Variants in CTNNA3 observed in about 807,000 individuals in gnomAD.
CTNNA3 encodes catenin alpha 3, also known as catenin alpha-3.
CTNNA3 carries 76 observed loss-of-function variants against 95.7 expected under a neutral mutation model. The ratio of observed to expected loss-of-function variants is 0.79; its 90% CI spans 0.66 to 0.96. The LOEUF is 0.96. Among genes scored for constraint, CTNNA3 ranks in the 40% least tolerant of loss-of-function variants. The pLI is 0.00. For synonymous variants in CTNNA3, 431 were observed against 374.4 expected (o/e 1.15, Z -1.74); for missense variants, 1,191 against 1,089.8 (o/e 1.09, Z -1.31).
intron 15 of CTNNA3, among the ~76,000 whole-genome samples, chr10:66,011,897 T>C (rs1263113498): frequency 2.6e-5 from 4 of 152,174 alleles, no homozygotes; most frequent in African/African-American, 9.7e-5. Flanking sequence ...CGTGTGGCAC[T>C]TTGCTATGCT....
At chr10:66,832,556 C>G (rs949548661) in intron 7 of CTNNA3, among the ~76,000 whole-genome samples, 2 of 151,594 alleles carry the variant, frequency 1.3e-5, no homozygotes, top group Admixed American at 6.6e-5. Flanking sequence ...AAGATATACA[C>G]GTTATAATTT....
intron 17 of CTNNA3, among the ~76,000 whole-genome samples, chr10:65,957,529 G>A (rs919133710): frequency 2.0e-4 from 30 of 152,098 alleles, no homozygotes; most frequent in Non-Finnish European, 4.1e-4. Flanking sequence ...GGCTGGTACC[G>A]GTTGTTCCTT....
At chr10:67,620,933 A>G (rs562235885) in intron 2 of CTNNA3, among the ~76,000 whole-genome samples, 23,294 of 143,750 alleles carry the variant, frequency 0.16, 3,116 homozygotes, top group East Asian at 0.44. Flanking sequence ...GTATATATAT[A>G]TATATATATA....
At chr10:66,150,173 G>A (rs935100361) in intron 13 of CTNNA3, among the ~76,000 whole-genome samples, 1 of 152,194 alleles carries the variant, frequency 6.6e-6, no homozygotes, top group Non-Finnish European at 1.5e-5. Context: ...TTATGGGGGT[G>A]GATATTTCCT....
intron 7 of CTNNA3, among the ~76,000 whole-genome samples, chr10:67,134,171 G>C (rs1469326443): frequency 3.0e-4 from 46 of 152,104 alleles, no homozygotes; most frequent in Admixed American, 3.0e-3. Flanking sequence ...GAAAAATGGA[G>C]CAAAGATTAC....
intron 2 of CTNNA3, among the ~76,000 whole-genome samples, chr10:67,645,735 T>C (rs933231849): frequency 4.0e-5 from 6 of 151,554 alleles, no homozygotes; most frequent in African/African-American, 7.3e-5. Flanking sequence ...AGGAAAAAAA[T>C]AGAAACACCC....
chr10:66,121,217 CAA>C (rs1205115784), intron 13 of CTNNA3, among the ~76,000 whole-genome samples: 3 of 152,136 alleles, frequency 2.0e-5, no homozygotes, highest in African/African-American at 7.2e-5. Context: ...AAAATTATGT[CAA>C]GTTTCTTCAC....
chr10:67,324,690 G>T (rs1046340003), intron 5 of CTNNA3, among the ~76,000 whole-genome samples: 3 of 151,142 alleles, frequency 2.0e-5, no homozygotes, highest in African/African-American at 7.3e-5. Context: ...ATATTAGTCT[G>T]AAATTTTCTC....
intron 16 of CTNNA3, among the ~76,000 whole-genome samples, chr10:65,970,682 A>T (rs1172600557): frequency 6.7e-6 from 1 of 148,262 alleles, no homozygotes; most frequent in Non-Finnish European, 1.5e-5. Flanking sequence ...TATATATAAC[A>T]TATTAGGTAA....
chr10:67,653,615 T>C (rs1357181534), intron 1 of CTNNA3, among the ~76,000 whole-genome samples: 1 of 152,194 alleles, frequency 6.6e-6, no homozygotes, highest in Admixed American at 6.5e-5. Context: ...ATTCCTTTTA[T>C]GTCATATATA....
chr10:66,602,018 G>T (rs571788067), intron 10 of CTNNA3, among the ~76,000 whole-genome samples: 1 of 152,070 alleles, frequency 6.6e-6, no homozygotes, highest in South Asian at 2.1e-4. Flanking sequence ...CACATAAAAT[G>T]AGAGTGCAGA....
At chr10:66,191,259 C>CAAATTTTATTCCTGG (rs1173218804) in intron 13 of CTNNA3, among the ~76,000 whole-genome samples, 4 of 152,184 alleles carry the variant, frequency 2.6e-5, no homozygotes, top group Admixed American at 2.0e-4. Flanking sequence ...CACTTTGGAA[C>CAAATTTTATTCCTGG]AGAAATAAGG....
chr10:67,601,631 C>T (rs1163678798), intron 3 of CTNNA3, among the ~76,000 whole-genome samples: 1 of 152,184 alleles, frequency 6.6e-6, no homozygotes, highest in Non-Finnish European at 1.5e-5. Context: ...ACAGGCAAAA[C>T]ATGTAATCTA....
chr10:67,175,833 T>C (rs1236191363), intron 7 of CTNNA3, among the ~76,000 whole-genome samples: 1 of 152,166 alleles, frequency 6.6e-6, no homozygotes, highest in Non-Finnish European at 1.5e-5. Flanking sequence ...GATGGCTGCC[T>C]ACCTACAATT....
Position 65,947,201 on chromosome 10 carries a change from G to A in CTNNA3, c.2400+19411C>T, listed in dbSNP as rs1310887768. Among the ~76,000 whole-genome samples the A allele has an allele frequency of 2.0e-5, 3 of 151,570 alleles. No homozygotes were observed. The South Asian group carries it at 6.2e-4, about 32-fold the overall frequency. On this transcript the variant is annotated intron_variant, in intron 17 of 17. Coordinates refer to ENST00000433211, the MANE Select transcript of CTNNA3 (RefSeq NM_013266.4). ...TATTCTTCCTCAAAGCCTATGCCAC[G>A]TGTTGCTGCTAAAACAGGAATGGAC...
intron 1 of CTNNA3, among the ~76,000 whole-genome samples, chr10:67,704,016 C>G (rs1209233426): frequency 6.6e-6 from 1 of 152,162 alleles, no homozygotes; most frequent in African/African-American, 2.4e-5. Flanking sequence ...TGAGTGAACT[C>G]CCATTCACAA....
At chr10:67,473,075 AC>A (rs1188705941) in intron 5 of CTNNA3, among the ~76,000 whole-genome samples, 5 of 152,212 alleles carry the variant, frequency 3.3e-5, no homozygotes, top group African/African-American at 9.6e-5. Context: ...AAATGTTGTA[AC>A]CTTGTAAAAC....
chr10:66,588,109 T>C (rs1843421416), intron 10 of CTNNA3, among the ~76,000 whole-genome samples: 1 of 152,012 alleles, frequency 6.6e-6, no homozygotes. Flanking sequence ...GTGCAGGCAA[T>C]GTGCATCCTG....
intron 5 of CTNNA3, among the ~76,000 whole-genome samples, chr10:67,483,808 G>A (rs1236171843): frequency 1.4e-5 from 2 of 144,868 alleles, no homozygotes; most frequent in Non-Finnish European, 3.1e-5. Context: ...ACAAAACACT[G>A]CTCAAAGAAA....
Sources: gnomAD v4.1 joint callset for allele counts (sites outside exome capture counted in the v4.1 genomes callset) on GRCh38, gnomAD v4.1.1 for gene constraint, MANE v1.5 for transcripts, NCBI Gene and HGNC (gene_info 2026-07-23, HGNC 2026-07-21) for gene names.